The following NBAS variants were observed in gnomAD, a reference collection of about 807,000 sequenced individuals.
NBAS encodes NBAS subunit of NRZ tethering complex.
Under a neutral mutation model 302.5 loss-of-function variants are expected in NBAS, and 219 were observed. That is an observed-to-expected ratio of 0.72 (90% CI 0.65 to 0.81). The LOEUF (loss-of-function observed/expected upper bound fraction) is 0.81, where lower values mean the gene tolerates loss of function less well. Ranked by LOEUF, NBAS falls within the 30% of genes least tolerant of loss-of-function variation. The pLI, the probability that NBAS is intolerant of heterozygous loss-of-function variation, is 0.00. For synonymous variants in NBAS, 1,118 were observed against 1,021.6 expected (o/e 1.09, Z -1.80); for missense variants, 2,932 against 2,841.6 (o/e 1.03, Z -0.72).
chr2:15,185,185 T>G (rs1245560458), intron 50 of NBAS, among the ~76,000 whole-genome samples: 11 of 152,138 alleles, frequency 7.2e-5, no homozygotes, highest in Admixed American at 7.2e-4. Context: ...ACCATTGACC[T>G]CAAACCCTCC....
chr2:15,335,532 T>C, intron 35 of NBAS, among the ~76,000 whole-genome samples: 1 of 152,214 alleles, frequency 6.6e-6, no homozygotes, highest in Non-Finnish European at 1.5e-5. Flanking sequence ...TTCTGGTAAT[T>C]ATGTAATGGT....
chr2:15,497,679 C>T (rs1230956298), intron 11 of NBAS, among the ~76,000 whole-genome samples: 1 of 152,136 alleles, frequency 6.6e-6, no homozygotes, highest in Non-Finnish European at 1.5e-5. Context: ...CAGAGGAGAA[C>T]TGGGCTACAG....
At chr2:15,089,819 G>C in the NBAS span, among the ~76,000 whole-genome samples, 1 of 131,720 alleles carries the variant, frequency 7.6e-6, no homozygotes, top group Non-Finnish European at 1.5e-5. Flanking sequence ...CACAATCTCA[G>C]TTCACTGCAA....
At chr2:15,211,926 G>T (rs1007105381) in intron 48 of NBAS, among the ~76,000 whole-genome samples, 3 of 152,124 alleles carry the variant, frequency 2.0e-5, no homozygotes, top group African/African-American at 7.2e-5. Context: ...CTTCCAAAAA[G>T]CATTCTTCAG....
the NBAS span, among the ~76,000 whole-genome samples, chr2:14,831,785 T>C: frequency 1.3e-5 from 2 of 152,178 alleles, no homozygotes; most frequent in Non-Finnish European, 2.9e-5. Flanking sequence ...AACATGAAGA[T>C]AATACCAATG....
At chr2:15,528,928 T>A (rs887734034) in intron 9 of NBAS, among the ~76,000 whole-genome samples, 2 of 149,630 alleles carry the variant, frequency 1.3e-5, no homozygotes, top group Non-Finnish European at 3.0e-5. Context: ...CACACACATA[T>A]ATATTTCCTA....
At chr2:15,270,432 G>A (rs756664767) in intron 44 of NBAS, among the ~76,000 whole-genome samples, 21 of 151,992 alleles carry the variant, frequency 1.4e-4, no homozygotes, top group Non-Finnish European at 2.8e-4. Flanking sequence ...CAAAGTGCTG[G>A]GATTACAGGC....
intron 44 of NBAS, among the ~76,000 whole-genome samples, chr2:15,243,998 C>T (rs563959462): frequency 6.6e-6 from 1 of 152,232 alleles, no homozygotes; most frequent in East Asian, 1.9e-4. Context: ...GACAAAATGA[C>T]TCAGGGCAGA....
chr2:15,084,451 A>T, the NBAS span, among the ~76,000 whole-genome samples: 1 of 152,222 alleles, frequency 6.6e-6, no homozygotes, highest in African/African-American at 2.4e-5. Context: ...TTAATCTGTC[A>T]TTCAAGTGGT....
At chr2:15,138,588 C>T in the NBAS span, among the ~76,000 whole-genome samples, 8 of 152,102 alleles carry the variant, frequency 5.3e-5, no homozygotes, top group African/African-American at 1.9e-4. Flanking sequence ...TCCTGGGTCA[C>T]GCACCTGAGA....
the NBAS span, among the ~76,000 whole-genome samples, chr2:15,055,668 G>T: frequency 1.3e-5 from 2 of 152,206 alleles, no homozygotes; most frequent in Admixed American, 1.3e-4. Context: ...CAATGAGGAG[G>T]TGTGTGCACG....
At chr2:14,816,939 G>A in the NBAS span, among the ~76,000 whole-genome samples, 88 of 152,280 alleles carry the variant, frequency 5.8e-4, no homozygotes, top group African/African-American at 1.9e-3. Flanking sequence ...TTCTTCCCAC[G>A]CCTGAATGAA....
intron 48 of NBAS, 135 bp from the exon 49 acceptor site, chr2:15,190,538 A>C (rs1665302967): frequency 2.9e-6 from 3 of 1,017,826 alleles, no homozygotes; most frequent in Non-Finnish European, 4.3e-6. Flanking sequence ...TCAGAAAAAC[A>C]ACCACCTCAA....
At chr2:14,840,695 C>T in the NBAS span, among the ~76,000 whole-genome samples, 16 of 151,876 alleles carry the variant, frequency 1.1e-4, no homozygotes, top group South Asian at 2.1e-4. Flanking sequence ...ATCCTTCAAA[C>T]GTAAATGAGA....
chr2:15,447,951 T>C (rs1012030799), intron 21 of NBAS, among the ~76,000 whole-genome samples: 7 of 152,166 alleles, frequency 4.6e-5, no homozygotes, highest in African/African-American at 1.7e-4. Context: ...ACCATGTCAC[T>C]GTGACCCTCA....
At chr2:15,458,470 A>C (rs1248928777) in intron 21 of NBAS, among the ~76,000 whole-genome samples, 1 of 152,002 alleles carries the variant, frequency 6.6e-6, no homozygotes, top group African/African-American at 2.4e-5. Context: ...GTGAGTTCTC[A>C]CTCAGTTAGT....
intron 25 of NBAS, among the ~76,000 whole-genome samples, chr2:15,406,679 G>A (rs144918371): frequency 6.6e-6 from 1 of 152,184 alleles, no homozygotes. Flanking sequence ...ACACGAATAT[G>A]TAAGAATTCC....
At chr2:15,098,289 A>AC in the NBAS span, among the ~76,000 whole-genome samples, 1 of 9,668 alleles carries the variant, frequency 1.0e-4, no homozygotes, top group African/African-American at 7.9e-4. Flanking sequence ...TATAATATAT[A>AC]TTATATACAA....
chr2:15,517,147 T>A (rs945878149), intron 9 of NBAS, among the ~76,000 whole-genome samples: 1 of 152,120 alleles, frequency 6.6e-6, no homozygotes, highest in African/African-American at 2.4e-5. Context: ...TTTTTTAGGT[T>A]TTTTTACTTT....
Sources: allele counts gnomAD v4.1 joint callset (sites outside exome capture counted in the v4.1 genomes callset), GRCh38; gene constraint gnomAD v4.1.1; transcripts MANE v1.5; gene names NCBI Gene and HGNC (gene_info 2026-07-23, HGNC 2026-07-21).